Variants in CCDC186 observed in about 807,000 individuals in gnomAD.
CCDC186 encodes the protein coiled-coil domain containing 186.
CCDC186 carries 49 observed loss-of-function variants against 113.7 expected under a neutral mutation model. That is an observed-to-expected ratio of 0.43 (90% CI 0.34 to 0.55). The LOEUF (loss-of-function observed/expected upper bound fraction) is 0.55. Ranked by LOEUF, CCDC186 falls within the 20% of genes least tolerant of loss-of-function variation. The pLI, the probability that CCDC186 is intolerant of heterozygous loss-of-function variation, is 0.02. For synonymous variants in CCDC186, 355 were observed against 345.8 expected, an observed-to-expected ratio of 1.03 and a Z score of -0.30; for missense variants, 890 against 1,011.1, an observed-to-expected ratio of 0.88 and a Z score of 1.62.
In CCDC186 at chr10:114,174,154, T is replaced by G. The variant is rs192664871; in HGVS notation, c.-201A>C. The G allele has an allele frequency of 2.3e-4, 108 of 468,830 alleles. No homozygotes were observed. The highest frequency in any genetic ancestry group is 2.0e-3 in the African/African-American group (101 of 50,148). 29.0% of individuals were successfully genotyped at this position (468,830 alleles called of 1,614,324 possible). A position where few individuals can be genotyped will look rare whatever the true frequency, so the allele number is the denominator to read the frequency against. On this transcript the variant is annotated 5_prime_UTR_variant, in exon 1 of 16. Transcript: ENST00000369287. ...GTGAGAAACACAGCCGACGCCTCACTCAGCGGCCGTTTCCCCAAACCCCTG... is the reference window on the plus strand; with the variant it reads ...GTGAGAAACACAGCCGACGCCTCACGCAGCGGCCGTTTCCCCAAACCCCTG...
At chr10:114,137,322 G>A (rs1361266956) in intron 6 of CCDC186, 32 bp from the exon 7 acceptor site, 6 of 1,506,404 alleles carry the variant, frequency 4.0e-6, no homozygotes, top group Non-Finnish European at 5.5e-6. Flanking sequence ...ACACAGTTGG[G>A]TACAGCAACG....
At chr10:114,159,614 C>G (rs2032105982) in intron 2 of CCDC186, among the ~76,000 whole-genome samples, 1 of 138,244 alleles carries the variant, frequency 7.2e-6, no homozygotes, top group Admixed American at 7.8e-5. Context: ...TGCACTCTAG[C>G]TCAGTGACAG....
At chr10:114,169,202 T>C (rs181114010) in intron 1 of CCDC186, among the ~76,000 whole-genome samples, 10 of 150,960 alleles carry the variant, frequency 6.6e-5, no homozygotes, top group Non-Finnish European at 1.5e-5. Context: ...TCACAGACTA[T>C]AAATTTTTAA....
In CCDC186 at chr10:114,131,977, A is replaced by T. The variant is rs965842224; in HGVS notation, c.1863T>A (p.Ser621Arg). 20 of 1,612,552 alleles carry T rather than the reference A, an allele frequency of 1.2e-5. No homozygotes were observed. Among genetic ancestry groups the T allele is most frequent in the Non-Finnish European group, 1.6e-5 (19 of 1,179,308 alleles). The change falls in exon 11 of 16, where the codon AGT becomes AGA. Residue 621 changes from serine (S) to arginine (R), a missense_variant. Coordinates refer to ENST00000369287, the MANE Select transcript of CCDC186 (RefSeq NM_018017.4). ...TTTGTTCACACTGGCTTTGTAACTGACTTTCACTACAGGAAACTTTATCAA... is the reference window on the plus strand; with the variant it reads ...TTTGTTCACACTGGCTTTGTAACTGTCTTTCACTACAGGAAACTTTATCAA... ...SQFDKVSCSE[S>R]QLQSQCEQMK... is the part of the protein sequence containing the mutation.
intron 1 of CCDC186, among the ~76,000 whole-genome samples, chr10:114,173,787 G>A (rs2032603304): frequency 6.6e-6 from 1 of 152,102 alleles, no homozygotes; most frequent in African/African-American, 2.4e-5. Context: ...TCCCGGAACC[G>A]AAGGAGGAAG....
rs532895519 is a variant in CCDC186 at position 114,156,719 on chromosome 10, C to T, written c.759+835G>A. Among the ~76,000 whole-genome samples, 3 of 152,014 alleles carry T rather than the reference C, an allele frequency of 2.0e-5. No homozygotes were observed. In the South Asian group the frequency reaches 6.2e-4, roughly 32 times the overall value. ...TCCACCCTGGGTGACAAGAGCAAAACTCTGTCTCAAAGAAAAAACAAAAAA... is the reference window on the plus strand; with the variant it reads ...TCCACCCTGGGTGACAAGAGCAAAATTCTGTCTCAAAGAAAAAACAAAAAA... On this transcript the variant is annotated intron_variant, in intron 3 of 15. Transcript: ENST00000369287.
chr10:114,138,283 A>G (rs1457383696), intron 6 of CCDC186, among the ~76,000 whole-genome samples: 1 of 126,952 alleles, frequency 7.9e-6, no homozygotes, highest in African/African-American at 3.0e-5. Flanking sequence ...AAAACAAAAC[A>G]TAAAAACTTT....
At chr10:114,150,585 AT>A (rs1326156464) in intron 4 of CCDC186, among the ~76,000 whole-genome samples, 1 of 152,080 alleles carries the variant, frequency 6.6e-6, no homozygotes, top group African/African-American at 2.4e-5. Context: ...TAAAAAAAAA[AT>A]TTTTATTCCA....
At chr10:114,141,108 T>C (rs2031452757) in intron 6 of CCDC186, among the ~76,000 whole-genome samples, 2 of 151,948 alleles carry the variant, frequency 1.3e-5, no homozygotes, top group African/African-American at 4.8e-5. Flanking sequence ...TTGCCCAGGC[T>C]GGTCTCAAAC....
chr10:114,168,096 A>G (rs2032388483), intron 1 of CCDC186: 1 of 152,242 alleles, frequency 6.6e-6, no homozygotes, highest in Admixed American at 6.5e-5. Flanking sequence ...GAGAAATACT[A>G]TAATACAGTA....
Position 114,121,199 on chromosome 10 carries a change from A to T in CCDC186, c.*3944T>A, listed in dbSNP as rs937436962. 8 of 152,194 alleles carry T rather than the reference A, an allele frequency of 5.3e-5. No homozygotes were observed. Among genetic ancestry groups the T allele is most frequent in the Admixed American group, 1.3e-4 (2 of 15,272 alleles). The allele number at this position is 152,194 out of a possible 1,614,324, so 9.4% of individuals were successfully genotyped here. ...ATTTTTCTTTGTTCATCTTTGAAAA[A>T]TTTCAGGTTTCTAGTGCCACCAACT... On this transcript the variant is annotated 3_prime_UTR_variant, in exon 16 of 16. Transcript: ENST00000369287.
At position 114,124,345 on chromosome 10, in the gene CCDC186, T is replaced by C. The variant is rs906743701; in HGVS notation, c.*798A>G. The C allele has an allele frequency of 2.0e-5, 3 of 152,210 alleles. No individual in the cohort carries two copies. The highest frequency in any genetic ancestry group is 7.2e-5 in the African/African-American group (3 of 41,458). The allele number at this position is 152,210 out of a possible 1,614,324, so 9.4% of individuals were successfully genotyped here. ...TTACACAAGGTCAGTAAAACTAAAGTATTTCAGTTTCAAAGAACTATTCTC... is the reference window on the plus strand; with the variant it reads ...TTACACAAGGTCAGTAAAACTAAAGCATTTCAGTTTCAAAGAACTATTCTC... On this transcript the variant is annotated 3_prime_UTR_variant, in exon 16 of 16. Transcript: ENST00000369287.
At chr10:114,125,458 AATG>A (rs2030867757) in intron 15 of CCDC186, among the ~76,000 whole-genome samples, 1 of 152,172 alleles carries the variant, frequency 6.6e-6, no homozygotes, top group African/African-American at 2.4e-5. Flanking sequence ...TAATGCATAA[AATG>A]ATTACTTACT....
intron 11 of CCDC186, 141 bp from the exon 12 acceptor site, chr10:114,131,477 G>A: frequency 1.4e-6 from 1 of 701,708 alleles, no homozygotes; most frequent in Non-Finnish European, 2.1e-6. Context: ...TTGTTTACTT[G>A]AGCTTCTCAC....
intron 6 of CCDC186, among the ~76,000 whole-genome samples, chr10:114,138,764 C>T (rs1200884101): frequency 6.6e-6 from 1 of 152,110 alleles, no homozygotes; most frequent in Non-Finnish European, 1.5e-5. Flanking sequence ...CTCTTTCTGC[C>T]CTCTTCATTG....
intron 1 of CCDC186, 141 bp downstream of exon 1, chr10:114,173,874 A>T (rs1321612292): frequency 8.4e-6 from 3 of 357,136 alleles, no homozygotes; most frequent in Non-Finnish European, 1.7e-5. Flanking sequence ...CCAGGCGGGG[A>T]GCCCGCTCGA....
intron 1 of CCDC186, among the ~76,000 whole-genome samples, chr10:114,164,109 TA>T (rs1195727506): frequency 6.5e-4 from 87 of 133,308 alleles, no homozygotes; most frequent in African/African-American, 2.4e-3. Context: ...TGTGTATATA[TA>T]TATATTTTTT....
At chr10:114,166,037 G>T in intron 1 of CCDC186, 2 of 571,432 alleles carry the variant, frequency 3.5e-6, no homozygotes, top group Non-Finnish European at 4.4e-6. Context: ...CAAAAGTGGC[G>T]GCAAAGTTAC....
chr10:114,133,851 A>G (rs950505493), intron 10 of CCDC186, among the ~76,000 whole-genome samples: 1 of 152,234 alleles, frequency 6.6e-6, no homozygotes, highest in African/African-American at 2.4e-5. Flanking sequence ...GATTATATAA[A>G]GTTTGGCTGC....
Sources: allele counts gnomAD v4.1 joint callset (sites outside exome capture counted in the v4.1 genomes callset), GRCh38; gene constraint gnomAD v4.1.1; transcripts MANE v1.5; gene names NCBI Gene and HGNC (gene_info 2026-07-23, HGNC 2026-07-21).